The following SPIB variants were observed in gnomAD, a reference collection of about 807,000 sequenced individuals.
SPIB encodes transcription factor Spi-B.
In SPIB, 7 loss-of-function variants were observed where a neutral mutation model predicts 31.9. The observed-to-expected ratio is 0.22, with a 90% CI of 0.12 to 0.41. The LOEUF is 0.41. SPIB is among the 10% of genes least tolerant of loss of function. The probability of loss-of-function intolerance (pLI) is 1.00; values close to 1 mark genes in which losing one functional copy is unlikely to be tolerated. For synonymous variants in SPIB, 176 were observed against 158.9 expected (o/e 1.11, Z -0.81); for missense variants, 327 against 360.2 (o/e 0.91, Z 0.75).
chr19:50,422,992 G>A lies in SPIB; in HGVS notation c.294G>A (p.Pro98=), dbSNP rs147079328. ...AACTGGCCCCCAGCCTGGAGGCCCCGGGGCCTGGCCTCCCTGCATACCCCA... is the reference window on the plus strand; with the variant it reads ...AACTGGCCCCCAGCCTGGAGGCCCCAGGGCCTGGCCTCCCTGCATACCCCA... ...NLELAPSLEA[P]GPGLPAYPTE... Residue 98 remains proline, a synonymous_variant, in exon 4 of 6, where the codon CCG becomes CCA. Coordinates refer to ENST00000595883, the MANE Select transcript of SPIB (RefSeq NM_003121.5). 517 of 1,562,032 alleles carry A rather than the reference G, an allele frequency of 3.3e-4. 1 individual carries two copies. The highest frequency in any genetic ancestry group is 2.6e-4 in the Non-Finnish European group (296 of 1,151,858).
Position 50,422,924 on chromosome 19 carries a change from C to T in SPIB, c.226C>T (p.Leu76Phe), listed in dbSNP as rs1017405017. 3 of 1,603,492 alleles carry T rather than the reference C, an allele frequency of 1.9e-6. No individual in the cohort carries two copies. Among genetic ancestry groups the T allele is most frequent in the Admixed American group, 1.7e-5 (1 of 59,718 alleles). ...AAFSHPQAAQ[L>F]CYEPPTYSPA... ...TTTTAGCCACCCCCAGGCTGCCCAG[C>T]TCTGCTACGAACCCCCCACCTACAG... The change falls in exon 4 of 6, where the codon CTC (leucine) becomes TTC (phenylalanine). Residue 76 changes from leucine (L) to phenylalanine (F), a missense_variant. Leu to Phe is a conservative substitution (Grantham distance 22). Around this residue, in one of 4 missense-constraint regions of SPIB, gnomAD observed 238 missense variants for 228.8 expected, o/e 1.04. Coordinates refer to ENST00000595883, the MANE Select transcript of SPIB (RefSeq NM_003121.5).
At chr19:50,423,147 A>T in intron 4 of SPIB, 110 bp downstream of exon 4, 1 of 555,046 alleles carries the variant, frequency 1.8e-6, no homozygotes, top group South Asian at 3.0e-5. Flanking sequence ...GCTTGAGCCC[A>T]GAAGGTCGAG....
At position 50,428,715 on chromosome 19, in the gene SPIB, G is replaced by A. The variant is rs2039602249; in HGVS notation, c.*379G>A. 4.4e-6 allele frequency: 1 copy of A among 226,920 alleles called. No individual in the cohort carries two copies. Among genetic ancestry groups the A allele is most frequent in the Non-Finnish European group, 8.5e-6 (1 of 117,112 alleles). 14.1% of individuals were successfully genotyped at this position (226,920 alleles called of 1,614,324 possible). A position where few individuals can be genotyped will look rare whatever the true frequency, so the allele number is the denominator to read the frequency against. ...CCAGTGAGGCCTGGGACGTTTTTAA[G>A]ATCGCTGTGTGTCTGTAAACCCTGA... On this transcript the variant is annotated 3_prime_UTR_variant, in exon 6 of 6. Transcript: ENST00000595883. The surrounding 1 kb of genome is among the most constrained non-coding windows in gnomAD (Gnocchi z 6.5).
Position 50,422,564 on chromosome 19 carries a change from G to A in SPIB, c.124+19G>A, listed in dbSNP as rs937192962. The A allele has an allele frequency of 1.2e-6, 2 of 1,612,232 alleles. No individual in the cohort carries two copies. The highest frequency in any genetic ancestry group is 2.7e-5 in the African/African-American group (2 of 74,870). On this transcript the variant is annotated intron_variant, in intron 3 of 5. Transcript: ENST00000595883. ...GCTCCTGGTGAGTGACCCCAGCCCT[G>A]TGCCCTTCCTGCCTTGGGGCCCATT...
intron 2 of SPIB, among the ~76,000 whole-genome samples, 192 bp downstream of exon 2, chr19:50,420,165 A>G (rs956887674): frequency 6.6e-6 from 1 of 152,152 alleles, no homozygotes; most frequent in African/African-American, 2.4e-5. Flanking sequence ...GCTTGAATCC[A>G]CTTCCTTGTG....
chr19:50,428,318 T>C lies in SPIB; in HGVS notation c.771T>C (p.Pro257=). ...ACCAGTTCGACAGCGCGCTGCTGCC[T>C]GCAGTCCGCCGGGCCTGAGCACACC... ...LTYQFDSALL[P]AVRRA Residue 257 remains proline, a synonymous_variant, in exon 6 of 6, where the codon CCT becomes CCC. Transcript: ENST00000595883. This position sits in a 1 kb window ranked among gnomAD's most constrained non-coding sequence, Gnocchi z 6.5. 1 of 1,548,402 alleles carries C rather than the reference T, an allele frequency of 6.5e-7. No individual in the cohort carries two copies. The highest frequency in any genetic ancestry group is 8.7e-7 in the Non-Finnish European group (1 of 1,145,628).
At chr19:50,419,129 C>T in intron 1 of SPIB, 144 bp downstream of exon 1, 2 of 922,262 alleles carry the variant, frequency 2.2e-6, no homozygotes, top group Non-Finnish European at 3.3e-6. Flanking sequence ...TCTCTTGCCC[C>T]TTCTGGTTCT....
intron 2 of SPIB, among the ~76,000 whole-genome samples, chr19:50,420,691 C>CA (rs2039484033): frequency 2.0e-5 from 3 of 152,222 alleles, no homozygotes; most frequent in South Asian, 4.1e-4. Flanking sequence ...GCAGTGGCAG[C>CA]GTCTTGGCTC....
Position 50,428,290 on chromosome 19 carries a change from C to T in SPIB, c.743C>T (p.Thr248Ile). 1 of 1,550,932 alleles carries T rather than the reference C, an allele frequency of 6.4e-7. No individual in the cohort carries two copies. The change falls in exon 6 of 6, where the codon ACC (threonine) becomes ATC (isoleucine). Residue 248 changes from threonine to isoleucine, a missense_variant. Transcript: ENST00000595883. This position sits in a 1 kb window ranked among gnomAD's most constrained non-coding sequence, Gnocchi z 6.5. ...GEIRKVKRKL[T>I]YQFDSALLPA... ...ATCCGCAAGGTCAAGCGCAAGCTCA[C>T]CTACCAGTTCGACAGCGCGCTGCTG... is the stretch of plus-strand genomic sequence containing the variant.
intron 5 of SPIB, among the ~76,000 whole-genome samples, 177 bp from the exon 6 acceptor site, chr19:50,427,861 C>CT (rs2039585800): frequency 1.2e-5 from 1 of 83,890 alleles, no homozygotes; most frequent in South Asian, 4.9e-4. Flanking sequence ...GTGGCTTGCC[C>CT]CCCCCCCCCC....
intron 2 of SPIB, among the ~76,000 whole-genome samples, chr19:50,421,721 T>C (rs1405817573): frequency 6.6e-6 from 1 of 152,172 alleles, no homozygotes; most frequent in East Asian, 1.9e-4. Context: ...TTCAAGCGAT[T>C]CTCCTGCCTC....
chr19:50,426,889 G>A (rs145160155), intron 5 of SPIB, among the ~76,000 whole-genome samples: 7,941 of 152,046 alleles, frequency 0.052, 280 homozygotes, highest in Non-Finnish European at 0.055. Flanking sequence ...CAGCATTTTG[G>A]GAGGCCGAGG....
intron 2 of SPIB, among the ~76,000 whole-genome samples, chr19:50,421,111 G>A (rs1211068855): frequency 6.6e-6 from 1 of 152,166 alleles, no homozygotes; most frequent in Admixed American, 6.6e-5. Context: ...CACCTGGGCT[G>A]TTTCCAGTTG....
chr19:50,427,854 GCTTGCC>G (rs2039585112), intron 5 of SPIB, among the ~76,000 whole-genome samples, 178 bp from the exon 6 acceptor site: 1 of 119,600 alleles, frequency 8.4e-6, no homozygotes, highest in African/African-American at 3.0e-5. Context: ...AGGGGGAGTG[GCTTGCC>G]CCCCCCCCCC....
At chr19:50,424,110 A>C (rs966822302) in intron 5 of SPIB, among the ~76,000 whole-genome samples, 1 of 152,070 alleles carries the variant, frequency 6.6e-6, no homozygotes, top group African/African-American at 2.4e-5. Context: ...TGATAATGCT[A>C]TCAACCCCCA....
rs2039448256 is a variant in SPIB, at chr19:50,419,078, C to G, written c.23+93C>G. ...CATGGGCAGTGGTTTCTCTGCTCCT[C>G]ACGGCCGGTGGGTGGGAGTGGAGGG... On this transcript the variant is annotated intron_variant, in intron 1 of 5. Coordinates refer to ENST00000595883, the MANE Select transcript of SPIB (RefSeq NM_003121.5). The G allele has an allele frequency of 3.4e-6, 5 of 1,461,548 alleles. No individual in the cohort carries two copies. The South Asian group carries it at 6.1e-5, about 18-fold the overall frequency. 90.5% of individuals were successfully genotyped at this position (1,461,548 alleles called of 1,614,324 possible). A position where few individuals can be genotyped will look rare whatever the true frequency, so the allele number is the denominator to read the frequency against.
rs930111804 is a variant in SPIB, at chr19:50,431,034, G to A, written c.*2698G>A. On this transcript the variant is annotated 3_prime_UTR_variant, in exon 6 of 6. Coordinates refer to ENST00000595883, the MANE Select transcript of SPIB (RefSeq NM_003121.5). Reference sequence around the variant, plus strand: ...TCACCCTAAATGTGGAATAAAATAAGATGCATCGACGTAGACAAACCTCCT... The same window carrying A: ...TCACCCTAAATGTGGAATAAAATAAAATGCATCGACGTAGACAAACCTCCT... The A allele has an allele frequency of 6.6e-6, 1 of 152,236 alleles. No individual in the cohort carries two copies. The highest frequency in any genetic ancestry group is 2.4e-5 in the African/African-American group (1 of 41,468). The allele number at this position is 152,236 out of a possible 1,614,324, so 9.4% of individuals were successfully genotyped here.
At chr19:50,421,220 C>T (rs1425000887) in intron 2 of SPIB, among the ~76,000 whole-genome samples, 2 of 152,208 alleles carry the variant, frequency 1.3e-5, no homozygotes, top group East Asian at 3.8e-4. Context: ...AGTGAGACTG[C>T]CAGGTCCTAG....
At position 50,428,146 on chromosome 19, in the gene SPIB, TCTC is replaced by T. The variant is rs2039593617; in HGVS notation, c.604_606del (p.Ser202del). 6.3e-7 allele frequency: 1 copy of T among 1,587,680 alleles called. No homozygotes were observed. On this transcript the variant is annotated inframe_deletion, in exon 6 of 6. Coordinates refer to ENST00000595883, the MANE Select transcript of SPIB (RefSeq NM_003121.5). This position sits in a 1 kb window ranked among gnomAD's most constrained non-coding sequence, Gnocchi z 6.5. ...GAGCCAGGCGCCGGCGTCTTCCAGT[TCTC>T]CTCCAAGCACAAGGAACTCCTGGCG... is the stretch of plus-strand genomic sequence containing the variant.
Sources: allele counts gnomAD v4.1 joint callset (sites outside exome capture counted in the v4.1 genomes callset), GRCh38; gene constraint gnomAD v4.1.1; regional missense constraint gnomAD v4.1.1; non-coding constraint Gnocchi (gnomAD v3.1); transcripts MANE v1.5; gene names NCBI Gene and HGNC (gene_info 2026-07-23, HGNC 2026-07-21).